SERPINI1: variants seen among roughly 807,000 people sequenced by gnomAD.
SERPINI1 encodes the protein neuroserpin.
A neutral mutation model predicts 41.1 loss-of-function variants in SERPINI1; 19 were observed. That is an observed-to-expected ratio of 0.46 (90% CI 0.32 to 0.68). SERPINI1 has a LOEUF of 0.68. Ranked by LOEUF, SERPINI1 falls within the 30% of genes least tolerant of loss-of-function variation. The pLI, the probability that SERPINI1 is intolerant of heterozygous loss-of-function variation, is 0.03. For missense variants in SERPINI1, 460 were observed against 479.2 expected, an observed-to-expected ratio of 0.96 and a Z score of 0.37; for synonymous variants, 138 against 156.6, an observed-to-expected ratio of 0.88 and a Z score of 0.89.
intron 6 of SERPINI1, among the ~76,000 whole-genome samples, chr3:167,817,872 T>G (rs893478391): frequency 6.6e-6 from 1 of 151,974 alleles, no homozygotes; most frequent in Non-Finnish European, 1.5e-5. Flanking sequence ...GTGCTGGGAT[T>G]ACAGGCGTGA....
chr3:167,791,392 C>A (rs1227295274), intron 3 of SERPINI1, among the ~76,000 whole-genome samples: 2 of 152,110 alleles, frequency 1.3e-5, no homozygotes, highest in Non-Finnish European at 2.9e-5. Context: ...ATCCCTTAAT[C>A]TCCAAGATGT....
chr3:167,824,641 G>T, intron 8 of SERPINI1, 79 bp downstream of exon 8: 1 of 821,952 alleles, frequency 1.2e-6, no homozygotes. Context: ...TTTTTCCTCA[G>T]TACTCATCAT....
Position 167,825,482 on chromosome 3 carries a change from A to C in SERPINI1, c.*159A>C, listed in dbSNP as rs1712489294. On this transcript the variant is annotated 3_prime_UTR_variant, in exon 9 of 9. Coordinates refer to ENST00000446050, the MANE Select transcript of SERPINI1 (RefSeq NM_001122752.2). Reference sequence around the variant, plus strand: ...GTAAATTATAAGTAACTTGTCAAGGAATGTTATCAGTATTAAGCTAATGGT... The same window carrying C: ...GTAAATTATAAGTAACTTGTCAAGGCATGTTATCAGTATTAAGCTAATGGT... The C allele has an allele frequency of 3.2e-6, 2 of 628,806 alleles. No homozygotes were observed. The highest frequency in any genetic ancestry group is 5.7e-6 in the Non-Finnish European group (2 of 348,770). 39.0% of individuals were successfully genotyped at this position (628,806 alleles called of 1,614,324 possible).
intron 1 of SERPINI1, among the ~76,000 whole-genome samples, chr3:167,778,100 A>G (rs929171675): frequency 5.3e-5 from 8 of 152,182 alleles, no homozygotes; most frequent in South Asian, 2.1e-4. Flanking sequence ...TTTATAAATT[A>G]CCCAGTCTGT....
chr3:167,824,525 C>G lies in SERPINI1; in HGVS notation c.1119C>G (p.Asp373Glu). ...TGCTGTATCCTCAAGTTATTGTCGA[C>G]CATCCATTTTTCTTTCTTATCAGAA... is the stretch of plus-strand genomic sequence containing the variant. ...MAVLYPQVIV[D>E]HPFFFLIRNR... The change falls in exon 8 of 9, where the codon GAC (aspartate) becomes GAG (glutamate). Residue 373 changes from aspartate to glutamate, a missense_variant. Transcript: ENST00000446050. 6.2e-7 allele frequency: 1 copy of G among 1,613,532 alleles called. No individual in the cohort carries two copies. Among genetic ancestry groups the G allele is most frequent in the Non-Finnish European group, 8.5e-7 (1 of 1,179,720 alleles).
At chr3:167,761,499 G>T (rs1577404153) in intron 1 of SERPINI1, among the ~76,000 whole-genome samples, 1 of 152,212 alleles carries the variant, frequency 6.6e-6, no homozygotes, top group South Asian at 2.1e-4. Context: ...ACTTGTGTAG[G>T]CTCATTCTAC....
chr3:167,818,863 C>T (rs1038702639), intron 6 of SERPINI1, among the ~76,000 whole-genome samples: 2 of 152,150 alleles, frequency 1.3e-5, no homozygotes, highest in Non-Finnish European at 2.9e-5. Flanking sequence ...CTATTGGAGG[C>T]AATTTCCTAT....
intron 7 of SERPINI1, 51 bp downstream of exon 7, chr3:167,823,123 C>T: frequency 1.6e-6 from 2 of 1,258,498 alleles, no homozygotes; most frequent in African/African-American, 1.5e-5. Context: ...ATTTTTAGAG[C>T]AATCTTGAGT....
intron 8 of SERPINI1, 146 bp from the exon 9 acceptor site, chr3:167,825,101 G>GAGGAAGGAAGGAAGGACAGGAGGA: frequency 2.9e-6 from 2 of 693,682 alleles, no homozygotes; most frequent in Admixed American, 4.2e-5. Flanking sequence ...GGAAGAGAGA[G>GAGGAAGGAAGGAAGGACAGGAGGA]AGGAAGGAAG....
chr3:167,743,643 G>C (rs982747363), intron 1 of SERPINI1, among the ~76,000 whole-genome samples: 1 of 152,064 alleles, frequency 6.6e-6, no homozygotes, highest in Admixed American at 6.6e-5. Context: ...ACAATCTCTA[G>C]TGTGAGTTTG....
intron 1 of SERPINI1, among the ~76,000 whole-genome samples, chr3:167,778,643 T>C (rs1727030663): frequency 6.6e-6 from 1 of 152,192 alleles, no homozygotes; most frequent in Admixed American, 6.5e-5. Context: ...AGTGATGTGA[T>C]TTATAGGAGC....
At chr3:167,790,027 G>A (rs1187864735) in intron 2 of SERPINI1, among the ~76,000 whole-genome samples, 2 of 152,116 alleles carry the variant, frequency 1.3e-5, no homozygotes, top group Non-Finnish European at 2.9e-5. Context: ...TGTAAAGGAT[G>A]ATCTTGAATT....
intron 1 of SERPINI1, among the ~76,000 whole-genome samples, chr3:167,785,251 A>G (rs1727269096): frequency 6.6e-6 from 1 of 152,216 alleles, no homozygotes; most frequent in African/African-American, 2.4e-5. Context: ...TCAAAAAAAA[A>G]GAGTGCTTTG....
At chr3:167,795,828 A>T (rs1727691396) in intron 5 of SERPINI1, among the ~76,000 whole-genome samples, 1 of 152,170 alleles carries the variant, frequency 6.6e-6, no homozygotes, top group African/African-American at 2.4e-5. Context: ...CTATCCTTGA[A>T]TACCTTAAAA....
At chr3:167,815,783 C>T (rs527440259) in intron 6 of SERPINI1, among the ~76,000 whole-genome samples, 87 of 152,248 alleles carry the variant, frequency 5.7e-4, no homozygotes, top group Non-Finnish European at 9.4e-4. Flanking sequence ...CAGGTGTAGA[C>T]ATTTGCTATC....
intron 5 of SERPINI1, among the ~76,000 whole-genome samples, chr3:167,803,273 T>C (rs1005024541): frequency 7.4e-6 from 1 of 135,446 alleles, no homozygotes; most frequent in Non-Finnish European, 1.6e-5. Flanking sequence ...ACTTAAAGTA[T>C]AATAATAATA....
Position 167,794,749 on chromosome 3 carries a change from C to CATTAGTCAAAGCACAGCTGGTTGAAGA in SERPINI1, c.809_835dup (p.Leu270_Glu278dup). ...GAAGTTCCTCTTGCTACTCTGGAGC[C>CATTAGTCAAAGCACAGCTGGTTGAAGA]ATTAGTCAAAGCACAGCTGGTTGAA... On this transcript the variant is annotated inframe_insertion, in exon 5 of 9. Coordinates refer to ENST00000446050, the MANE Select transcript of SERPINI1 (RefSeq NM_001122752.2). 6.2e-7 allele frequency: 1 copy of CATTAGTCAAAGCACAGCTGGTTGAAGA among 1,613,566 alleles called. No homozygotes were observed.
chr3:167,752,485 T>G (rs1726075669), intron 1 of SERPINI1, among the ~76,000 whole-genome samples: 1 of 152,104 alleles, frequency 6.6e-6, no homozygotes, highest in Non-Finnish European at 1.5e-5. Context: ...CTCTGTCTTG[T>G]CCAATTTATT....
At chr3:167,741,460 T>G (rs1303044688) in intron 1 of SERPINI1, among the ~76,000 whole-genome samples, 1 of 152,178 alleles carries the variant, frequency 6.6e-6, no homozygotes, top group Non-Finnish European at 1.5e-5. Flanking sequence ...ACTAAAACAT[T>G]TCTGATATTT....
Sources: gnomAD v4.1 joint callset for allele counts (sites outside exome capture counted in the v4.1 genomes callset) on GRCh38, gnomAD v4.1.1 for gene constraint, MANE v1.5 for transcripts, NCBI Gene and HGNC (gene_info 2026-07-23, HGNC 2026-07-21) for gene names.